Variants in PXDNL observed in about 807,000 individuals in gnomAD.
The protein encoded by PXDNL is probable oxidoreductase PXDNL.
A neutral mutation model predicts 150.8 loss-of-function variants in PXDNL; 145 were observed. The observed-to-expected ratio is 0.96, with a 90% CI of 0.84 to 1.10. PXDNL has a LOEUF of 1.10. Ranked by LOEUF, PXDNL falls within the 50% of genes least tolerant of loss-of-function variation. The pLI is 0.00. For missense variants in PXDNL, 2,087 were observed against 1,873.9 expected, an observed-to-expected ratio of 1.11 and a Z score of -2.10; for synonymous variants, 757 against 725.7, an observed-to-expected ratio of 1.04 and a Z score of -0.69.
intron 19 of PXDNL, among the ~76,000 whole-genome samples, chr8:51,371,204 T>C (rs1222596313): frequency 2.6e-5 from 4 of 152,240 alleles, no homozygotes; most frequent in African/African-American, 4.8e-5. Flanking sequence ...ATCTTTTCTC[T>C]GGCCCTGGCT....
At chr8:51,467,416 T>C (rs1810227019) in intron 8 of PXDNL, among the ~76,000 whole-genome samples, 1 of 152,024 alleles carries the variant, frequency 6.6e-6, no homozygotes, top group South Asian at 2.1e-4. Context: ...GCACTAAATA[T>C]TGGGTACATA....
At chr8:51,781,521 T>C (rs1414105331) in intron 1 of PXDNL, among the ~76,000 whole-genome samples, 1 of 152,192 alleles carries the variant, frequency 6.6e-6, no homozygotes, top group Non-Finnish European at 1.5e-5. Context: ...CGTCCAGTTG[T>C]AGGGTTTGGT....
rs367805772 is a variant in PXDNL, at chr8:51,320,017, G to A, written c.4266C>T (p.Gly1422=). The A allele has an allele frequency of 1.4e-4, 214 of 1,514,866 alleles. 2 individuals carry two copies. In the African/African-American group the frequency reaches 2.7e-3, roughly 19 times the overall value. 93.8% of individuals were successfully genotyped at this position (1,514,866 alleles called of 1,614,324 possible). ...AAATCTCCACCACACAGGTGACCTG[G>A]CCACTCTGAAAGGCAGCATGCACAT... ...EDCTHCICES[G]QVTCVVEICP... Residue 1422 remains glycine, a synonymous_variant, in exon 23 of 23, where the codon GGC becomes GGT. Transcript: ENST00000356297.
intron 3 of PXDNL, among the ~76,000 whole-genome samples, chr8:51,565,695 T>G (rs180883542): frequency 1.3e-5 from 2 of 151,992 alleles, no homozygotes; most frequent in Non-Finnish European, 2.9e-5. Flanking sequence ...TGCAAAAAAT[T>G]ATTAAAATAT....
chr8:51,643,134 T>C (rs1356735672), intron 2 of PXDNL, among the ~76,000 whole-genome samples: 1 of 152,130 alleles, frequency 6.6e-6, no homozygotes, highest in Non-Finnish European at 1.5e-5. Context: ...AATTTATAGA[T>C]ACAATGCCAT....
intron 3 of PXDNL, among the ~76,000 whole-genome samples, chr8:51,573,354 C>A (rs1430750233): frequency 6.6e-6 from 1 of 151,950 alleles, no homozygotes; most frequent in Non-Finnish European, 1.5e-5. Context: ...CATAGAAAGC[C>A]TTGACCTCCA....
At chr8:51,573,968 A>G (rs1289349489) in intron 3 of PXDNL, among the ~76,000 whole-genome samples, 2 of 152,038 alleles carry the variant, frequency 1.3e-5, no homozygotes, top group Non-Finnish European at 2.9e-5. Flanking sequence ...GAAGACAGTC[A>G]TTCTGTCAGC....
chr8:51,797,980 CAT>C (rs2037580602), intron 1 of PXDNL, among the ~76,000 whole-genome samples: 1 of 152,072 alleles, frequency 6.6e-6, no homozygotes, highest in Non-Finnish European at 1.5e-5. Context: ...AAAACAGACA[CAT>C]AGACCAATGG....
At chr8:51,563,345 G>C (rs904308969) in intron 3 of PXDNL, among the ~76,000 whole-genome samples, 1 of 151,912 alleles carries the variant, frequency 6.6e-6, no homozygotes, top group Non-Finnish European at 1.5e-5. Flanking sequence ...ACATGGCACA[G>C]AGAGAGCGAG....
chr8:51,631,418 C>A (rs1337717400), intron 2 of PXDNL, among the ~76,000 whole-genome samples: 3 of 152,058 alleles, frequency 2.0e-5, no homozygotes, highest in African/African-American at 7.2e-5. Flanking sequence ...TGCACATGTA[C>A]CCCTCAACCT....
intron 1 of PXDNL, among the ~76,000 whole-genome samples, chr8:51,776,150 T>C (rs1371081499): frequency 1.3e-5 from 2 of 152,202 alleles, no homozygotes; most frequent in Non-Finnish European, 2.9e-5. Context: ...CCCTGTCTCC[T>C]GATAAGATGT....
chr8:51,407,919 C>CCTT, intron 17 of PXDNL, 148 bp downstream of exon 17: 1 of 659,986 alleles, frequency 1.5e-6, no homozygotes, highest in African/African-American at 1.8e-5. Flanking sequence ...GTGAATCCTT[C>CCTT]CTTTAATATT....
chr8:51,384,440 T>A (rs896260722), intron 17 of PXDNL, among the ~76,000 whole-genome samples: 7 of 152,190 alleles, frequency 4.6e-5, no homozygotes, highest in Non-Finnish European at 1.0e-4. Context: ...ATTGTTTCTT[T>A]ACTTGAAAGA....
chr8:51,437,549 A>C (rs2129853826), intron 12 of PXDNL, among the ~76,000 whole-genome samples: 1 of 152,362 alleles, frequency 6.6e-6, no homozygotes, highest in African/African-American at 2.4e-5. Context: ...CAAATCAATA[A>C]GTGTGATACA....
chr8:51,722,961 T>C (rs1259959897), intron 1 of PXDNL, among the ~76,000 whole-genome samples: 4 of 152,102 alleles, frequency 2.6e-5, no homozygotes, highest in African/African-American at 9.7e-5. Context: ...GTCTCCAGTC[T>C]GTATCACTAG....
chr8:51,763,513 G>A (rs1267809762), intron 1 of PXDNL, among the ~76,000 whole-genome samples: 1 of 152,048 alleles, frequency 6.6e-6, no homozygotes, highest in African/African-American at 2.4e-5. Flanking sequence ...AAAAAGGGAC[G>A]CAGGACCCCA....
At chr8:51,568,966 T>G (rs1208098588) in intron 3 of PXDNL, among the ~76,000 whole-genome samples, 1 of 151,946 alleles carries the variant, frequency 6.6e-6, no homozygotes, top group Non-Finnish European at 1.5e-5. Flanking sequence ...CTAGAGTTTC[T>G]GTTTCTCTGC....
intron 12 of PXDNL, among the ~76,000 whole-genome samples, chr8:51,429,996 G>A (rs79726868): frequency 0.014 from 2,057 of 152,162 alleles, 42 homozygotes; most frequent in African/African-American, 0.047. Context: ...GAGAACCAGG[G>A]TCAGCCTACG....
chr8:51,571,846 G>A (rs1812951526), intron 3 of PXDNL, among the ~76,000 whole-genome samples: 1 of 151,790 alleles, frequency 6.6e-6, no homozygotes, highest in African/African-American at 2.4e-5. Context: ...TTGTAAGACA[G>A]TATACAAAAG....
Sources: gnomAD v4.1 joint callset for allele counts (sites outside exome capture counted in the v4.1 genomes callset) on GRCh38, gnomAD v4.1.1 for gene constraint, MANE v1.5 for transcripts, NCBI Gene and HGNC (gene_info 2026-07-23, HGNC 2026-07-21) for gene names.